Variants in OTOG observed in about 807,000 individuals in gnomAD.
OTOG encodes otogelin.
Under a neutral mutation model 313.8 loss-of-function variants are expected in OTOG, and 296 were observed. That is an observed-to-expected ratio of 0.94 (90% CI 0.86 to 1.04). OTOG has a LOEUF of 1.04. Among genes scored for constraint, OTOG ranks in the 50% least tolerant of loss-of-function variants. The pLI, the probability that OTOG is intolerant of heterozygous loss-of-function variation, is 0.00. For synonymous variants in OTOG, 1,533 were observed against 1,554.9 expected, an observed-to-expected ratio of 0.99 and a Z score of 0.33; for missense variants, 3,948 against 3,840.1, an observed-to-expected ratio of 1.03 and a Z score of -0.74.
At position 17,594,058 on chromosome 11, in the gene OTOG, G is replaced by A. The variant is rs539192142; in HGVS notation, c.3300G>A (p.Ala1100=). The change falls in exon 28 of 56, where the codon GCG becomes GCA. Residue 1100 remains alanine (A), a synonymous_variant. Coordinates refer to ENST00000399397, the MANE Select transcript of OTOG (RefSeq NM_001292063.2). ...QAGPQWQGQL[A]GLCGNFDLKT... ...CTCTCTCCTTTCAGGGCCAGCTGGC[G>A]GGCCTCTGTGGGAACTTTGACTTAA... 34 of 1,550,410 alleles carry A rather than the reference G, an allele frequency of 2.2e-5. No homozygotes were observed. Among genetic ancestry groups the A allele is most frequent in the East Asian group, 4.9e-5 (2 of 40,914 alleles).
rs561466952 is a variant in OTOG, at chr11:17,606,831, C to T, written c.4156+696C>T. Among the ~76,000 whole-genome samples, 4 of 152,324 alleles carry T rather than the reference C, an allele frequency of 2.6e-5. No individual in the cohort carries two copies. In the South Asian group the frequency reaches 8.3e-4, roughly 32 times the overall value. On this transcript the variant is annotated intron_variant, in intron 33 of 55. Coordinates refer to ENST00000399397, the MANE Select transcript of OTOG (RefSeq NM_001292063.2). The stretch of plus-strand genomic sequence containing the variant: ...CTCCTTATTTCATCACCCACCCCAC[C>T]CAAGCCAGGGCTGGGTGAGCTCATT...
In OTOG at chr11:17,629,225, C is replaced by G. The variant is rs1356746725; in HGVS notation, c.6621C>G (p.Pro2207=). The change falls in exon 40 of 56, where the codon CCC becomes CCG. Residue 2207 remains proline (P), a synonymous_variant. Transcript: ENST00000399397. ...GCCACATGTACATGATCCTGACTCCCTCAGACATCCAGATCCAGTGGCTCC... is the reference window on the plus strand; with the variant it reads ...GCCACATGTACATGATCCTGACTCCGTCAGACATCCAGATCCAGTGGCTCC... ...DTGHMYMILT[P]SDIQIQWLHS... The G allele has an allele frequency of 2.6e-6, 4 of 1,550,510 alleles. No individual in the cohort carries two copies. In the Admixed American group the frequency reaches 7.8e-5, roughly 30 times the overall value.
chr11:17,581,934 T>TACCAG (rs1852677648), intron 23 of OTOG, among the ~76,000 whole-genome samples: 1 of 152,210 alleles, frequency 6.6e-6, no homozygotes, highest in Non-Finnish European at 1.5e-5. Flanking sequence ...ATACACTATA[T>TACCAG]ACCCTTTTGG....
rs1590038690 is a variant in OTOG at position 17,608,217 on chromosome 11, A to T, written c.4157-79A>T. 12 of 960,250 alleles carry T rather than the reference A, an allele frequency of 1.2e-5. No homozygotes were observed. The East Asian group carries it at 3.6e-4, about 29-fold the overall frequency. 59.5% of individuals were successfully genotyped at this position (960,250 alleles called of 1,614,324 possible). A position where few individuals can be genotyped will look rare whatever the true frequency, so the allele number is the denominator to read the frequency against. On this transcript the variant is annotated intron_variant, in intron 33 of 55. Coordinates refer to ENST00000399397, the MANE Select transcript of OTOG (RefSeq NM_001292063.2). ...TGGGTCCATTTGTCCCCTCCACAGGATGGGGGGCAGGGCTGAGCTCTGGGA... is the reference window on the plus strand; with the variant it reads ...TGGGTCCATTTGTCCCCTCCACAGGTTGGGGGGCAGGGCTGAGCTCTGGGA...
chr11:17,561,228 G>A (rs1852175846), intron 14 of OTOG, 91 bp downstream of exon 14: 3 of 1,422,592 alleles, frequency 2.1e-6, no homozygotes, highest in Admixed American at 2.0e-5. Flanking sequence ...GCTTGCTGCG[G>A]GTGGGGATGT....
chr11:17,591,314 G>T, intron 24 of OTOG, 136 bp from the exon 25 acceptor site: 2 of 1,219,298 alleles, frequency 1.6e-6, no homozygotes, highest in Non-Finnish European at 2.2e-6. Flanking sequence ...CCAGGCTCCT[G>T]TTAGAGGTTG....
At chr11:17,621,667 G>T (rs1471637533) in intron 39 of OTOG, among the ~76,000 whole-genome samples, 1 of 152,040 alleles carries the variant, frequency 6.6e-6, no homozygotes, top group Non-Finnish European at 1.5e-5. Flanking sequence ...TCTATCTCTT[G>T]TCTTCTAAAC....
At chr11:17,559,398 A>G (rs113670409) in intron 11 of OTOG, 136 bp from the exon 12 acceptor site, 76 of 1,239,328 alleles carry the variant, frequency 6.1e-5, no homozygotes, top group East Asian at 5.9e-4. Flanking sequence ...TGGGCACCCA[A>G]TGCTCCCTCT....
intron 20 of OTOG, among the ~76,000 whole-genome samples, 158 bp downstream of exon 20, chr11:17,575,070 C>T (rs958005863): frequency 1.3e-5 from 2 of 152,212 alleles, no homozygotes; most frequent in Admixed American, 6.5e-5. Context: ...GGGCTCCCTC[C>T]TTGGGGCCTC....
intron 39 of OTOG, among the ~76,000 whole-genome samples, chr11:17,626,442 C>T (rs1853987766): frequency 6.6e-6 from 1 of 152,216 alleles, no homozygotes; most frequent in Non-Finnish European, 1.5e-5. Context: ...TCCTAAAGTG[C>T]TGGGATTACA....
At chr11:17,627,620 G>T (rs1007244465) in intron 39 of OTOG, among the ~76,000 whole-genome samples, 2 of 152,174 alleles carry the variant, frequency 1.3e-5, no homozygotes, top group Non-Finnish European at 2.9e-5. Flanking sequence ...GAGTTTGGAA[G>T]TATTCCCTCC....
In OTOG at chr11:17,609,831, C is replaced by T. The variant is rs1230433485; in HGVS notation, c.4531C>T (p.Pro1511Ser). 1.8e-5 allele frequency: 27 copies of T among 1,528,050 alleles called. No homozygotes were observed. The highest frequency in any genetic ancestry group is 2.4e-5 in the Non-Finnish European group (27 of 1,133,008). The allele number at this position is 1,528,050 out of a possible 1,614,324, so 94.7% of individuals were successfully genotyped here. The change falls in exon 36 of 56, where the codon CCA (proline) becomes TCA (serine). Residue 1511 changes from proline to serine, a missense_variant. Coordinates refer to ENST00000399397, the MANE Select transcript of OTOG (RefSeq NM_001292063.2). ...PAAPLTTALNPPVTATEEPVV... is the reference protein window; with the variant it reads ...PAAPLTTALNSPVTATEEPVV... The stretch of plus-strand genomic sequence containing the variant: ...TGCCCCACTCACCACAGCCCTGAAC[C>T]CACCAGTGACAGCCACTGAGGAGCC...
chr11:17,638,885 C>T, intron 48 of OTOG: 1 of 968,460 alleles, frequency 1.0e-6, no homozygotes, highest in Non-Finnish European at 1.5e-6. Context: ...ATCATGAGGT[C>T]AGGAGTTCAA....
chr11:17,560,412 C>T lies in OTOG; in HGVS notation c.1343-297C>T, dbSNP rs7944460. On this transcript the variant is annotated intron_variant, in intron 12 of 55. Transcript: ENST00000399397. ...TCCTGGAGGAGGTGGTGCCTGGCAC[C>T]TAAGCTGTTTTTGATGCGGTGACAG... Among the ~76,000 whole-genome samples, 6,433 of 152,156 alleles carry T rather than the reference C, an allele frequency of 0.042. 403 individuals are homozygous for T. Among genetic ancestry groups the T allele is most frequent in the African/African-American group, 0.13 (5,566 of 41,460 alleles).
chr11:17,578,645 C>A, intron 23 of OTOG, 119 bp downstream of exon 23: 1 of 1,289,224 alleles, frequency 7.8e-7, no homozygotes, highest in Non-Finnish European at 1.0e-6. Context: ...CTGGCCCAGG[C>A]TGGCCAGCCA....
intron 18 of OTOG, 87 bp downstream of exon 18, chr11:17,572,291 G>A: frequency 1.3e-6 from 2 of 1,505,800 alleles, no homozygotes; most frequent in Non-Finnish European, 8.9e-7. Flanking sequence ...CTCCGGGCAG[G>A]AGAGTGCTGG....
intron 54 of OTOG, among the ~76,000 whole-genome samples, chr11:17,644,229 G>T (rs1848029897): frequency 6.6e-6 from 1 of 152,370 alleles, no homozygotes; most frequent in East Asian, 1.9e-4. Flanking sequence ...CCACTGCTTT[G>T]CTCTTGCTGG....
intron 20 of OTOG, among the ~76,000 whole-genome samples, chr11:17,575,720 C>G (rs1480870651): frequency 6.6e-6 from 1 of 152,162 alleles, no homozygotes; most frequent in East Asian, 1.9e-4. Flanking sequence ...ATAGGAATCA[C>G]TCATAGGCCT....
rs1030924535 is a variant in OTOG, at chr11:17,635,162, C to T, written c.7668C>T (p.Asp2556=). 1 of 1,547,492 alleles carries T rather than the reference C, an allele frequency of 6.5e-7. No individual in the cohort carries two copies. The highest frequency in any genetic ancestry group is 8.7e-7 in the Non-Finnish European group (1 of 1,146,722). ...TCCTGATCACGGGCCGCCTGGGGGACTCCTGCTGCACCTCCTACTTCTGCG... is the reference window on the plus strand; with the variant it reads ...TCCTGATCACGGGCCGCCTGGGGGATTCCTGCTGCACCTCCTACTTCTGCG... ...DQILITGRLG[D]SCCTSYFCAC... Residue 2556 remains aspartate, a synonymous_variant, in exon 46 of 56, where the codon GAC becomes GAT. Transcript: ENST00000399397.
Sources: gnomAD v4.1 joint callset for allele counts (sites outside exome capture counted in the v4.1 genomes callset) on GRCh38, gnomAD v4.1.1 for gene constraint, MANE v1.5 for transcripts, NCBI Gene and HGNC (gene_info 2026-07-23, HGNC 2026-07-21) for gene names.